The following OR56A1 variants were observed in gnomAD, a reference collection of about 807,000 sequenced individuals.
OR56A1 encodes olfactory receptor family 56 subfamily A member 1.
For synonymous variants in OR56A1, 174 were observed against 159.1 expected, an observed-to-expected ratio of 1.09 and a Z score of -0.70; for missense variants, 360 against 380.9, an observed-to-expected ratio of 0.94 and a Z score of 0.46.
intron 1 of OR56A1, among the ~76,000 whole-genome samples, chr11:6,028,102 T>C (rs1360598162): frequency 2.0e-5 from 3 of 152,128 alleles, no homozygotes; most frequent in Admixed American, 6.5e-5. Context: ...AATTAGGTCT[T>C]TGCTTTCTAC....
intron 1 of OR56A1, 59 bp from the exon 2 acceptor site, chr11:6,027,785 T>C: frequency 9.4e-7 from 1 of 1,066,274 alleles, no homozygotes; most frequent in Non-Finnish European, 1.4e-6. Context: ...AAAGTATCCC[T>C]TTCACTTACT....
At chr11:6,028,902 A>G (rs1216146840) in intron 1 of OR56A1, among the ~76,000 whole-genome samples, 5 of 149,492 alleles carry the variant, frequency 3.3e-5, no homozygotes, top group Non-Finnish European at 7.5e-5. Flanking sequence ...TCAACAACAG[A>G]TGATAGGATA....
chr11:6,026,579 T>C lies in OR56A1; in HGVS notation c.*169A>G. On this transcript the variant is annotated 3_prime_UTR_variant, in exon 2 of 2. Transcript: ENST00000641900. ...TAAATACGAGTTTCTTCCCCTTGCC[T>C]ACCTCCACCTGAACTAGGCAAGGAA... The C allele has an allele frequency of 1.8e-6, 1 of 548,382 alleles. No homozygotes were observed. The allele number at this position is 548,382 out of a possible 1,614,324, so 34.0% of individuals were successfully genotyped here. A position where few individuals can be genotyped will look rare whatever the true frequency, so the allele number is the denominator to read the frequency against.
Position 6,027,310 on chromosome 11 carries a change from G to T in OR56A1, c.383C>A (p.Ala128Asp). ...FMVMAYDRYV[A>D]ICHPLRYPSI... ...TGGGTACCGCAGTGGGTGGCAGATG[G>T]CCACATAACGGTCATAGGCCATGAC... The change falls in exon 2 of 2, where the codon GCC (alanine) becomes GAC (aspartate). Residue 128 changes from alanine to aspartate, a missense_variant. Coordinates refer to ENST00000641900, the MANE Select transcript of OR56A1 (RefSeq NM_001388488.1). The T allele has an allele frequency of 6.2e-7, 1 of 1,614,196 alleles. No individual in the cohort carries two copies. Among genetic ancestry groups the T allele is most frequent in the Non-Finnish European group, 8.5e-7 (1 of 1,180,038 alleles).
chr11:6,022,637 C>G lies in OR56A1; in HGVS notation c.*4111G>C, dbSNP rs934457477. On this transcript the variant is annotated 3_prime_UTR_variant, in exon 2 of 2. Transcript: ENST00000641900. ...TGGGTTTATGTAGCAAAATGCCTTA[C>G]TTCTCAATTTTAACTCTGGTCCCTA... 1.3e-5 allele frequency: 2 copies of G among 152,138 alleles called. No individual in the cohort carries two copies. Among genetic ancestry groups the G allele is most frequent in the African/African-American group, 4.8e-5 (2 of 41,432 alleles). The allele number at this position is 152,138 out of a possible 1,614,324, so 9.4% of individuals were successfully genotyped here.
intron 1 of OR56A1, among the ~76,000 whole-genome samples, chr11:6,029,160 A>T (rs1848489008): frequency 6.6e-6 from 1 of 152,148 alleles, no homozygotes; most frequent in South Asian, 2.1e-4. Context: ...GGGGGTGGAT[A>T]ATGAGAAATT....
At chr11:6,029,880 T>C (rs1477240752) in intron 1 of OR56A1, among the ~76,000 whole-genome samples, 3 of 152,220 alleles carry the variant, frequency 2.0e-5, no homozygotes, top group African/African-American at 7.2e-5. Context: ...TGTTTCTTAC[T>C]TAGACCTCTC....
chr11:6,022,621 G>A lies in OR56A1; in HGVS notation c.*4127C>T, dbSNP rs1470429982. 5 of 152,096 alleles carry A rather than the reference G, an allele frequency of 3.3e-5. 1 individual carries two copies. The highest frequency in any genetic ancestry group is 2.6e-4 in the Admixed American group (4 of 15,264). 9.4% of individuals were successfully genotyped at this position (152,096 alleles called of 1,614,324 possible). On this transcript the variant is annotated 3_prime_UTR_variant, in exon 2 of 2. Transcript: ENST00000641900. The stretch of plus-strand genomic sequence containing the variant: ...TCTGAAGAAGCAAAAATGGGTTTAT[G>A]TAGCAAAATGCCTTACTTCTCAATT...
In OR56A1 at chr11:6,020,621, G is replaced by A. The variant is rs918640350; in HGVS notation, c.*6127C>T. The stretch of plus-strand genomic sequence containing the variant: ...TTTGAATCTCAGTTTGGCTGTTGTT[G>A]TTATGTAGGAATGCTAGTGATTTTT... On this transcript the variant is annotated 3_prime_UTR_variant, in exon 2 of 2. Coordinates refer to ENST00000641900, the MANE Select transcript of OR56A1 (RefSeq NM_001388488.1). 2.6e-5 allele frequency: 4 copies of A among 152,082 alleles called. No homozygotes were observed. The highest frequency in any genetic ancestry group is 9.7e-5 in the African/African-American group (4 of 41,422). 9.4% of individuals were successfully genotyped at this position (152,082 alleles called of 1,614,324 possible).
intron 1 of OR56A1, among the ~76,000 whole-genome samples, chr11:6,028,971 AT>A (rs1484116211): frequency 6.6e-6 from 1 of 152,162 alleles, no homozygotes; most frequent in Non-Finnish European, 1.5e-5. Flanking sequence ...GAATGAAATC[AT>A]GTCTTTTGCA....
upstream of OR56A1, among the ~76,000 whole-genome samples, chr11:6,032,457 C>T (rs2133612160): frequency 6.6e-6 from 1 of 152,304 alleles, no homozygotes; most frequent in East Asian, 1.9e-4. Flanking sequence ...TCCATTTGTA[C>T]ATACTACATT....
At chr11:6,028,122 A>G (rs974660811) in intron 1 of OR56A1, among the ~76,000 whole-genome samples, 2 of 152,124 alleles carry the variant, frequency 1.3e-5, no homozygotes, top group South Asian at 4.2e-4. Flanking sequence ...CTATACACCA[A>G]TATAATTTGA....
intron 1 of OR56A1, among the ~76,000 whole-genome samples, chr11:6,029,483 C>T (rs1443243843): frequency 6.6e-6 from 1 of 152,152 alleles, no homozygotes; most frequent in African/African-American, 2.4e-5. Context: ...GTCTCCATTC[C>T]CTCACCTTAC....
chr11:6,026,899 T>A lies in OR56A1; in HGVS notation c.794A>T (p.Asn265Ile), dbSNP rs1848454012. The A allele has an allele frequency of 6.2e-7, 1 of 1,613,994 alleles. No homozygotes were observed. The highest frequency in any genetic ancestry group is 1.1e-5 in the South Asian group (1 of 91,078). ...STILLVVVLT[N>I]VARKKVPMDI... ...CATGGGGACCTTCTTTCTGGCCACGTTTGTCAACACCACAACCAGCAGTAT... is the reference window on the plus strand; with the variant it reads ...CATGGGGACCTTCTTTCTGGCCACGATTGTCAACACCACAACCAGCAGTAT... The change falls in exon 2 of 2, where the codon AAC becomes ATC. Residue 265 changes from asparagine to isoleucine, a missense_variant. Physicochemically the swap from Asn to Ile is moderately radical, Grantham distance 149. Transcript: ENST00000641900.
At position 6,026,907 on chromosome 11, in the gene OR56A1, C is replaced by T. The variant is rs1489753661; in HGVS notation, c.786G>A (p.Val262=). 1.9e-6 allele frequency: 3 copies of T among 1,614,124 alleles called. No individual in the cohort carries two copies. The highest frequency in any genetic ancestry group is 1.3e-5 in the African/African-American group (1 of 74,944). The change falls in exon 2 of 2, where the codon GTG becomes GTA. Residue 262 remains valine (V), a synonymous_variant. Coordinates refer to ENST00000641900, the MANE Select transcript of OR56A1 (RefSeq NM_001388488.1). ...LFFSTILLVV[V]LTNVARKKVP... is the part of the protein sequence containing the mutation. The stretch of plus-strand genomic sequence containing the variant: ...CCTTCTTTCTGGCCACGTTTGTCAA[C>T]ACCACAACCAGCAGTATGGTGCTGA...
chr11:6,031,662 A>T (rs1397520929), upstream of OR56A1, among the ~76,000 whole-genome samples: 1 of 152,192 alleles, frequency 6.6e-6, no homozygotes, highest in Non-Finnish European at 1.5e-5. Context: ...CATCACCAAG[A>T]TGTAAAATAC....
rs1414398622 is a variant in OR56A1 at position 6,025,089 on chromosome 11, A to C, written c.*1659T>G. Reference sequence around the variant, plus strand: ...GCTTCATGTCAATTCCTTCATAGCTATGAATGCTGCCTCTAAACATGATGT... The same window carrying C: ...GCTTCATGTCAATTCCTTCATAGCTCTGAATGCTGCCTCTAAACATGATGT... On this transcript the variant is annotated 3_prime_UTR_variant, in exon 2 of 2. Coordinates refer to ENST00000641900, the MANE Select transcript of OR56A1 (RefSeq NM_001388488.1). 2 of 152,190 alleles carry C rather than the reference A, an allele frequency of 1.3e-5. No homozygotes were observed. The highest frequency in any genetic ancestry group is 2.9e-5 in the Non-Finnish European group (2 of 68,036). 9.4% of individuals were successfully genotyped at this position (152,190 alleles called of 1,614,324 possible).
chr11:6,029,236 T>C (rs1848489723), intron 1 of OR56A1, among the ~76,000 whole-genome samples: 2 of 152,196 alleles, frequency 1.3e-5, no homozygotes, highest in Non-Finnish European at 2.9e-5. Context: ...TTAACTACTA[T>C]ACAATCTATG....
At position 6,025,529 on chromosome 11, in the gene OR56A1, T is replaced by A. The variant is rs1203838033; in HGVS notation, c.*1219A>T. 6.6e-6 allele frequency: 1 copy of A among 152,270 alleles called. No homozygotes were observed. The highest frequency in any genetic ancestry group is 1.9e-4 in the East Asian group (1 of 5,198). 9.4% of individuals were successfully genotyped at this position (152,270 alleles called of 1,614,324 possible). ...TGGTTGGTTGGTTGATTGGTTTTGG[T>A]TTTTGTTTAACTCCCAGCCTTATTG... On this transcript the variant is annotated 3_prime_UTR_variant, in exon 2 of 2. Transcript: ENST00000641900.
Sources: allele counts gnomAD v4.1 joint callset (sites outside exome capture counted in the v4.1 genomes callset), GRCh38; gene constraint gnomAD v4.1.1; transcripts MANE v1.5; gene names NCBI Gene and HGNC (gene_info 2026-07-23, HGNC 2026-07-21).